Variants in TNRC18 observed in about 807,000 individuals in gnomAD.
TNRC18 encodes the protein trinucleotide repeat-containing gene 18 protein.
TNRC18 carries 69 observed loss-of-function variants against 226.7 expected under a neutral mutation model. The observed-to-expected ratio is 0.30, with a 90% confidence interval of 0.25 to 0.37. The LOEUF (loss-of-function observed/expected upper bound fraction) is 0.37. Among genes scored for constraint, TNRC18 ranks in the 10% least tolerant of loss-of-function variants. The probability of loss-of-function intolerance (pLI) is 1.00; values close to 1 mark genes in which losing one functional copy is unlikely to be tolerated. For missense variants in TNRC18, 4,754 were observed against 4,256.6 expected (o/e 1.12, Z -3.25); for synonymous variants, 2,449 against 1,927.6 (o/e 1.27, Z -7.09).
Position 5,359,656 on chromosome 7 carries a change from G to C in TNRC18, c.4662-87C>G, listed in dbSNP as rs573011261. ...CACCCTCATGGCCCTGAAGGGTTGG[G>C]CTCTGGACCCTGAGCGTGGACAGTG... is the stretch of plus-strand genomic sequence containing the variant. On this transcript the variant is annotated intron_variant, in intron 14 of 29. Coordinates refer to ENST00000430969, the MANE Select transcript of TNRC18 (RefSeq NM_001080495.3). The C allele has an allele frequency of 6.4e-5, 98 of 1,520,454 alleles. No homozygotes were observed. The South Asian group carries it at 8.9e-4, about 14-fold the overall frequency. 94.2% of individuals were successfully genotyped at this position (1,520,454 alleles called of 1,614,324 possible). A position where few individuals can be genotyped will look rare whatever the true frequency, so the allele number is the denominator to read the frequency against.
At chr7:5,389,486 C>T (rs1171449702) in intron 4 of TNRC18, 150 bp from the exon 5 acceptor site, 5 of 621,864 alleles carry the variant, frequency 8.0e-6, no homozygotes, top group African/African-American at 1.2e-4. Context: ...AAGAGTCTCG[C>T]TCTCCTCACC....
At chr7:5,372,354 G>A (rs575869561) in intron 10 of TNRC18, among the ~76,000 whole-genome samples, 1 of 151,848 alleles carries the variant, frequency 6.6e-6, no homozygotes, top group African/African-American at 2.4e-5. Context: ...TGGGACTATA[G>A]GCGTGAGCCA....
At chr7:5,329,903 G>T (rs1363769285) in intron 19 of TNRC18, 1 of 470,808 alleles carries the variant, frequency 2.1e-6, no homozygotes, top group East Asian at 6.9e-5. Flanking sequence ...TGAATACCCA[G>T]CTATTATATC....
intron 2 of TNRC18, among the ~76,000 whole-genome samples, chr7:5,401,524 T>TTATC (rs139671838): frequency 3.6e-4 from 55 of 152,310 alleles, no homozygotes; most frequent in African/African-American, 1.3e-3. Context: ...TCTCCACTGC[T>TTATC]TATCACCTGT....
In TNRC18 at chr7:5,394,868, A is replaced by G. The variant is rs1053677952; in HGVS notation, c.188-273T>C. On this transcript the variant is annotated intron_variant, in intron 2 of 29. Transcript: ENST00000430969. The surrounding 1 kb of genome is among the most constrained non-coding windows in gnomAD (Gnocchi z 4.5). Reference sequence around the variant, plus strand: ...AGACCCTCAGCCCTGGGCACCCCGCACCCTCGGAGGAGGGCCTTCCACCCC... The same window carrying G: ...AGACCCTCAGCCCTGGGCACCCCGCGCCCTCGGAGGAGGGCCTTCCACCCC... 8.6e-5 allele frequency among the ~76,000 whole-genome samples: 13 copies of G among 151,540 alleles called. No individual in the cohort carries two copies. The highest frequency in any genetic ancestry group is 7.9e-4 in the Admixed American group (12 of 15,222).
Position 5,371,188 on chromosome 7 carries a change from A to C in TNRC18, c.3406T>G (p.Ser1136Ala). The change falls in exon 11 of 30, where the codon TCC becomes GCC. Residue 1136 changes from serine (S) to alanine (A), a missense_variant. Ser to Ala is a moderately conservative substitution (Grantham distance 99, BLOSUM62 1). Coordinates refer to ENST00000430969, the MANE Select transcript of TNRC18 (RefSeq NM_001080495.3). Reference protein sequence around the residue: ...LSPEDKPIRLSPSKITEPLRE... With the variant: ...LSPEDKPIRLAPSKITEPLRE... ...AGCGGCTCTGTGATCTTGGAGGGGG[A>C]CAAGCGGATGGGCTTGTCTTCGGGT... is the stretch of plus-strand genomic sequence containing the variant. 6.2e-7 allele frequency: 1 copy of C among 1,605,208 alleles called. No homozygotes were observed. The highest frequency in any genetic ancestry group is 8.5e-7 in the Non-Finnish European group (1 of 1,173,806).
intron 19 of TNRC18, among the ~76,000 whole-genome samples, chr7:5,330,427 G>A (rs1320746405): frequency 1.3e-5 from 2 of 149,288 alleles, no homozygotes; most frequent in South Asian, 4.2e-4. Context: ...TTTTTTTTTG[G>A]TAGAGGCAGG....
chr7:5,347,272 C>G (rs1791293906), intron 17 of TNRC18, among the ~76,000 whole-genome samples: 1 of 151,228 alleles, frequency 6.6e-6, no homozygotes, highest in African/African-American at 2.4e-5. Context: ...ACTGCAAGCT[C>G]CACCTCCTGG....
intron 2 of TNRC18, among the ~76,000 whole-genome samples, chr7:5,396,523 G>C (rs954027087): frequency 6.6e-6 from 1 of 152,060 alleles, no homozygotes; most frequent in African/African-American, 2.4e-5. Flanking sequence ...AACAAGACCT[G>C]GACTCAAAAT....
rs563635404 is a variant in TNRC18 at position 5,349,377 on chromosome 7, A to T, written c.5470+2442T>A. Among the ~76,000 whole-genome samples the T allele has an allele frequency of 1.7e-4, 26 of 152,336 alleles. No homozygotes were observed. The South Asian group carries it at 4.8e-3, about 28-fold the overall frequency. On this transcript the variant is annotated intron_variant, in intron 17 of 29. Transcript: ENST00000430969. ...GCTGGGGACAGGGAGGGGGGAAAAA[A>T]GTCCCATCAAAGTAACCCAAGGAAA...
At chr7:5,326,942 G>A (rs1001867683) in intron 19 of TNRC18, among the ~76,000 whole-genome samples, 6 of 151,382 alleles carry the variant, frequency 4.0e-5, no homozygotes, top group African/African-American at 9.7e-5. Context: ...GGCTAACACG[G>A]TGAAACCCCA....
At chr7:5,308,526 C>A (rs1025434751) in intron 29 of TNRC18, among the ~76,000 whole-genome samples, 1 of 151,754 alleles carries the variant, frequency 6.6e-6, no homozygotes, top group Non-Finnish European at 1.5e-5. Context: ...ATAGACAGAC[C>A]AAGAGATCCA....
At chr7:5,375,000 C>T (rs941725336) in intron 9 of TNRC18, among the ~76,000 whole-genome samples, 7 of 152,176 alleles carry the variant, frequency 4.6e-5, no homozygotes, top group African/African-American at 7.2e-5. Context: ...CTACCTGGGC[C>T]GGTCAGTCAA....
In TNRC18 at chr7:5,388,418, T is replaced by G. The variant is rs763571772; in HGVS notation, c.1406A>C (p.Glu469Ala). The G allele has an allele frequency of 1.3e-6, 2 of 1,488,058 alleles. No homozygotes were observed. Among genetic ancestry groups the G allele is most frequent in the African/African-American group, 1.5e-5 (1 of 67,910 alleles). The allele number at this position is 1,488,058 out of a possible 1,614,324, so 92.2% of individuals were successfully genotyped here. ...YVPAKELLKP[E>A]ADPRPCERAP... is the part of the protein sequence containing the mutation. ...ACGCTCGCAGGGCCTCGGGTCCGCC[T>G]CGGGCTTGAGCAGCTCCTTGGCAGG... Residue 469 changes from glutamate (E) to alanine (A), a missense_variant, in exon 5 of 30, where the codon GAG (glutamate) becomes GCG (alanine). Coordinates refer to ENST00000430969, the MANE Select transcript of TNRC18 (RefSeq NM_001080495.3).
intron 12 of TNRC18, among the ~76,000 whole-genome samples, 175 bp downstream of exon 12, chr7:5,362,475 G>A (rs1793155192): frequency 6.6e-6 from 1 of 152,274 alleles, no homozygotes; most frequent in Non-Finnish European, 1.5e-5. Flanking sequence ...GAGTCCCCGA[G>A]AAGGGCAACC....
At chr7:5,402,781 G>C (rs936882584) in intron 2 of TNRC18, among the ~76,000 whole-genome samples, 3 of 151,994 alleles carry the variant, frequency 2.0e-5, no homozygotes, top group Non-Finnish European at 4.4e-5. Flanking sequence ...TTGAACCCAG[G>C]AGACAGAAGT....
At chr7:5,362,875 C>T in intron 11 of TNRC18, 50 bp from the exon 12 acceptor site, 1 of 1,447,868 alleles carries the variant, frequency 6.9e-7, no homozygotes, top group Non-Finnish European at 9.1e-7. Flanking sequence ...CCTTCCCCAA[C>T]CCCAAACGGG....
At chr7:5,391,878 G>C (rs536666642) in intron 3 of TNRC18, among the ~76,000 whole-genome samples, 1 of 144,268 alleles carries the variant, frequency 6.9e-6, no homozygotes, top group African/African-American at 2.5e-5. Flanking sequence ...TTTTTTTAAA[G>C]GGCACACAGA....
intron 2 of TNRC18, among the ~76,000 whole-genome samples, chr7:5,401,897 C>G (rs548336694): frequency 1.3e-5 from 2 of 152,060 alleles, no homozygotes; most frequent in East Asian, 1.9e-4. Flanking sequence ...CCTGGTTGGC[C>G]GGGCGTGGTG....
Sources: gnomAD v4.1 joint callset for allele counts (sites outside exome capture counted in the v4.1 genomes callset) on GRCh38, gnomAD v4.1.1 for gene constraint, Gnocchi (gnomAD v3.1) non-coding constraint, MANE v1.5 for transcripts, NCBI Gene and HGNC (gene_info 2026-07-23, HGNC 2026-07-21) for gene names.